Variants in DZIP3 observed in about 807,000 individuals in gnomAD.
DZIP3 encodes E3 ubiquitin-protein ligase DZIP3.
A neutral mutation model predicts 162.0 loss-of-function variants in DZIP3; 118 were observed. That is an observed-to-expected ratio of 0.73 (90% CI 0.63 to 0.85). The LOEUF is 0.85. DZIP3 is among the 40% of genes least tolerant of loss of function. DZIP3 has a pLI of 0.00. For synonymous variants in DZIP3, 438 were observed against 458.6 expected (o/e 0.96, Z 0.57); for missense variants, 1,331 against 1,407.0 (o/e 0.95, Z 0.86).
At chr3:108,633,543 A>C (rs1941981509) in intron 9 of DZIP3, among the ~76,000 whole-genome samples, 1 of 151,660 alleles carries the variant, frequency 6.6e-6, no homozygotes, top group Non-Finnish European at 1.5e-5. Context: ...GATTTGAAGA[A>C]ATTTAGCTAT....
intron 4 of DZIP3, among the ~76,000 whole-genome samples, chr3:108,613,650 A>C (rs979005002): frequency 1.3e-5 from 2 of 152,318 alleles, no homozygotes; most frequent in Admixed American, 1.3e-4. Flanking sequence ...ATTGAGACAC[A>C]CATGTATAAA....
chr3:108,601,633 T>A (rs1393072482), intron 1 of DZIP3, among the ~76,000 whole-genome samples: 1 of 152,182 alleles, frequency 6.6e-6, no homozygotes, highest in Non-Finnish European at 1.5e-5. Context: ...ACCCACACTT[T>A]GAAATGTAAA....
chr3:108,669,854 C>T (rs1415654041), intron 22 of DZIP3, 105 bp downstream of exon 22: 38 of 895,946 alleles, frequency 4.2e-5, no homozygotes, highest in Non-Finnish European at 6.5e-5. Flanking sequence ...AACCGGGGTA[C>T]TTTTGAGGCT....
intron 3 of DZIP3, among the ~76,000 whole-genome samples, chr3:108,609,947 G>A (rs1247249357): frequency 6.6e-6 from 1 of 152,158 alleles, no homozygotes; most frequent in Non-Finnish European, 1.5e-5. Context: ...GTACTTTTGA[G>A]TAGAATTGAC....
intron 26 of DZIP3, 89 bp downstream of exon 26, chr3:108,677,687 C>A: frequency 1.7e-6 from 2 of 1,178,404 alleles, no homozygotes; most frequent in South Asian, 1.2e-5. Flanking sequence ...GTATGTTTAA[C>A]GTGTGTTCAA....
At chr3:108,680,816 T>G (rs984414861) in intron 26 of DZIP3, among the ~76,000 whole-genome samples, 2 of 152,188 alleles carry the variant, frequency 1.3e-5, no homozygotes, top group African/African-American at 4.8e-5. Context: ...TACAACCATC[T>G]GATCTTTGAC....
chr3:108,693,940 T>C lies in DZIP3; in HGVS notation c.*587T>C, dbSNP rs1944790296. On this transcript the variant is annotated 3_prime_UTR_variant, in exon 33 of 33. Coordinates refer to ENST00000361582, the MANE Select transcript of DZIP3 (RefSeq NM_014648.4). ...GCTTGTCACTAAGAATTTTCATTTT[T>C]AGGGGTCAAAAACCTATTTTGAAAA... 1 of 152,202 alleles carries C rather than the reference T, an allele frequency of 6.6e-6. No homozygotes were observed. The highest frequency in any genetic ancestry group is 1.5e-5 in the Non-Finnish European group (1 of 68,036). 9.4% of individuals were successfully genotyped at this position (152,202 alleles called of 1,614,324 possible).
rs372099925 is a variant in DZIP3, at chr3:108,613,207, T to A, written c.258+1878T>A. Among the ~76,000 whole-genome samples the A allele has an allele frequency of 5.9e-5, 9 of 152,150 alleles. No homozygotes were observed. In the East Asian group the frequency reaches 1.7e-3, roughly 29 times the overall value. ...GTATGTTAAAGCAGTCAATTTTCTA[T>A]AAATTAAAATCCACAAATATCGCAT... is the stretch of plus-strand genomic sequence containing the variant. On this transcript the variant is annotated intron_variant, in intron 4 of 32. Transcript: ENST00000361582.
At chr3:108,641,493 C>T (rs901232339) in intron 12 of DZIP3, among the ~76,000 whole-genome samples, 4 of 152,054 alleles carry the variant, frequency 2.6e-5, no homozygotes, top group African/African-American at 9.7e-5. Context: ...AATAGTTTTG[C>T]AGTGAACACT....
chr3:108,636,096 G>A (rs1290395492), intron 10 of DZIP3, among the ~76,000 whole-genome samples: 1 of 151,880 alleles, frequency 6.6e-6, no homozygotes, highest in African/African-American at 2.4e-5. Context: ...AAAAACAATT[G>A]TATAAAGATT....
intron 23 of DZIP3, 48 bp downstream of exon 23, chr3:108,672,704 A>T (rs776177323): frequency 1.4e-6 from 2 of 1,399,370 alleles, no homozygotes; most frequent in African/African-American, 2.9e-5. Context: ...GAAAAGTTTT[A>T]CTTGTATACC....
intron 14 of DZIP3, among the ~76,000 whole-genome samples, chr3:108,645,368 A>G (rs914863584): frequency 1.3e-5 from 2 of 152,192 alleles, no homozygotes; most frequent in African/African-American, 4.8e-5. Context: ...TGTTTCTTCT[A>G]CTTTCTAGCA....
intron 5 of DZIP3, among the ~76,000 whole-genome samples, chr3:108,619,204 A>T: frequency 6.6e-6 from 1 of 151,920 alleles, no homozygotes; most frequent in Non-Finnish European, 1.5e-5. Flanking sequence ...TATAATCTTC[A>T]GTCAATATAG....
chr3:108,640,707 G>C (rs1012689226), intron 12 of DZIP3, among the ~76,000 whole-genome samples: 1 of 152,086 alleles, frequency 6.6e-6, no homozygotes, highest in African/African-American at 2.4e-5. Flanking sequence ...GCCTCCCAAA[G>C]TGCTGGGATT....
At chr3:108,619,073 A>G (rs1417397463) in intron 5 of DZIP3, among the ~76,000 whole-genome samples, 3 of 150,622 alleles carry the variant, frequency 2.0e-5, no homozygotes, top group African/African-American at 7.3e-5. Flanking sequence ...AAAAAAAAAA[A>G]AAAAAAAAAA....
intron 12 of DZIP3, 99 bp from the exon 13 acceptor site, chr3:108,642,339 A>G (rs1942434837): frequency 8.1e-7 from 1 of 1,238,284 alleles, no homozygotes; most frequent in African/African-American, 1.6e-5. Flanking sequence ...TTTCTAGGAG[A>G]AGATGAAAAT....
rs1235318686 is a variant in DZIP3, at chr3:108,672,594, A to G, written c.2527A>G (p.Ser843Gly). 1 of 1,612,086 alleles carries G rather than the reference A, an allele frequency of 6.2e-7. No individual in the cohort carries two copies. The highest frequency in any genetic ancestry group is 2.2e-5 in the East Asian group (1 of 44,822). The change falls in exon 23 of 33, where the codon AGC becomes GGC. Residue 843 changes from serine to glycine, a missense_variant. This residue lies in a region of DZIP3 where 1,278 missense variants were observed against 1,317.1 expected (regional missense o/e 0.97). Coordinates refer to ENST00000361582, the MANE Select transcript of DZIP3 (RefSeq NM_014648.4). ...QWEMEKHNLE[S>G]TMKTYVSKLN... The stretch of plus-strand genomic sequence containing the variant: ...GGAAATGGAAAAACATAATCTGGAA[A>G]GCACAATGAAAACATACGTAAGCAA...
At position 108,677,555 on chromosome 3, in the gene DZIP3, C is replaced by A. The variant is rs774471542; in HGVS notation, c.2840C>A (p.Pro947His). The A allele has an allele frequency of 1.4e-5, 23 of 1,612,678 alleles. No individual in the cohort carries two copies. In the South Asian group the frequency reaches 2.0e-4, roughly 14 times the overall value. Residue 947 changes from proline (P) to histidine (H), a missense_variant, in exon 26 of 33, where the codon CCT (proline) becomes CAT (histidine). Around this residue, in one of 2 missense-constraint regions of DZIP3, gnomAD observed 1,278 missense variants for 1,317.1 expected, o/e 0.97. Coordinates refer to ENST00000361582, the MANE Select transcript of DZIP3 (RefSeq NM_014648.4). ...CAAGGATTTGCCTTGAGTACCTTGC[C>A]TCCAGTCCAGCTTCCTCCTCCACCA... ...VKQGFALSTL[P>H]PVQLPPPPPS...
Position 108,644,692 on chromosome 3 carries a change from A to C in DZIP3, c.1670A>C (p.Asn557Thr), listed in dbSNP as rs200719675. ...IDKVKENPIENISLDYHQLSV... is the reference protein window; with the variant it reads ...IDKVKENPIETISLDYHQLSV... ...AAAGTGAAGGAGAATCCCATTGAGA[A>C]TATCTCCCTTGATTACCATCAGCTA... Residue 557 changes from asparagine to threonine, a missense_variant, in exon 14 of 33, where the codon AAT (asparagine) becomes ACT (threonine). By Grantham distance (65) the Asn-to-Thr change is moderately conservative (BLOSUM62 0). This residue lies in a region of DZIP3 where 1,278 missense variants were observed against 1,317.1 expected (regional missense o/e 0.97). Transcript: ENST00000361582. 1.4e-5 allele frequency: 22 copies of C among 1,613,446 alleles called. No homozygotes were observed.
Sources: gnomAD v4.1 joint callset for allele counts (sites outside exome capture counted in the v4.1 genomes callset) on GRCh38, gnomAD v4.1.1 for gene constraint, gnomAD v4.1.1 regional missense constraint, MANE v1.5 for transcripts, NCBI Gene and HGNC (gene_info 2026-07-23, HGNC 2026-07-21) for gene names.